Variants in NKAIN2 observed in about 807,000 individuals in gnomAD.
NKAIN2 encodes sodium/potassium transporting ATPase interacting 2, also known as sodium/potassium-transporting ATPase subunit beta-1-interacting protein 2.
In NKAIN2, 14 loss-of-function variants were observed where a neutral mutation model predicts 32.6. That is an observed-to-expected ratio of 0.43 (90% confidence interval 0.28 to 0.67). The LOEUF (loss-of-function observed/expected upper bound fraction) is 0.67. Among genes scored for constraint, NKAIN2 ranks in the 30% least tolerant of loss-of-function variants. NKAIN2 has a pLI of 0.17. For synonymous variants in NKAIN2, 80 were observed against 87.2 expected (o/e 0.92, Z 0.46); for missense variants, 198 against 258.3 (o/e 0.77, Z 1.60).
At chr6:124,392,349 TAA>T (rs1465119837) in intron 3 of NKAIN2, among the ~76,000 whole-genome samples, 11 of 152,180 alleles carry the variant, frequency 7.2e-5, no homozygotes, top group African/African-American at 2.7e-4. Flanking sequence ...TTTGCTGAAT[TAA>T]CAAATAAATG....
At chr6:124,012,528 G>T (rs1418931593) in intron 1 of NKAIN2, among the ~76,000 whole-genome samples, 3 of 151,934 alleles carry the variant, frequency 2.0e-5, no homozygotes, top group African/African-American at 7.3e-5. Flanking sequence ...TAGAGACGGG[G>T]TTTCACCATA....
At chr6:124,071,617 A>G (rs1393991207) in intron 1 of NKAIN2, among the ~76,000 whole-genome samples, 2 of 152,180 alleles carry the variant, frequency 1.3e-5, no homozygotes, top group African/African-American at 4.8e-5. Flanking sequence ...AGGAACTTAA[A>G]CAATTTAACA....
intron 1 of NKAIN2, among the ~76,000 whole-genome samples, chr6:124,033,065 C>T (rs1781472421): frequency 6.6e-6 from 1 of 151,838 alleles, no homozygotes; most frequent in African/African-American, 2.4e-5. Context: ...AAATGCTGAG[C>T]CAGAGGAAAG....
At chr6:124,409,803 G>A (rs1223653241) in intron 3 of NKAIN2, among the ~76,000 whole-genome samples, 2 of 152,096 alleles carry the variant, frequency 1.3e-5, no homozygotes, top group Non-Finnish European at 2.9e-5. Context: ...GTAGAATTCG[G>A]CTGTGAATCC....
At chr6:124,157,987 GTC>G (rs1788072858) in intron 1 of NKAIN2, among the ~76,000 whole-genome samples, 1 of 152,160 alleles carries the variant, frequency 6.6e-6, no homozygotes, top group Non-Finnish European at 1.5e-5. Flanking sequence ...TTGTGCAAAA[GTC>G]TAAATATCAA....
intron 3 of NKAIN2, among the ~76,000 whole-genome samples, chr6:124,495,937 G>A (rs930514304): frequency 3.3e-5 from 5 of 152,270 alleles, no homozygotes; most frequent in African/African-American, 1.2e-4. Flanking sequence ...TTGGCACGAT[G>A]TACATAAACT....
In NKAIN2 at chr6:123,886,845, C is replaced by T. The variant is rs562511310; in HGVS notation, c.54+82591C>T. 3.3e-5 allele frequency among the ~76,000 whole-genome samples: 5 copies of T among 152,080 alleles called. No homozygotes were observed. The South Asian group carries it at 8.3e-4, about 25-fold the overall frequency. On this transcript the variant is annotated intron_variant, in intron 1 of 6. Transcript: ENST00000368417. ...AAGCTGCTTTGAAGTTGTTTAGACG[C>T]GTTTTTGGAGAAAAAAATATTGTTG...
At chr6:123,903,733 G>A (rs1345049527) in intron 1 of NKAIN2, among the ~76,000 whole-genome samples, 3 of 152,072 alleles carry the variant, frequency 2.0e-5, no homozygotes, top group Admixed American at 2.0e-4. Context: ...TGGATATTGG[G>A]AATATGCAAA....
intron 1 of NKAIN2, among the ~76,000 whole-genome samples, chr6:123,815,508 T>G (rs1562196338): frequency 1.3e-5 from 2 of 152,180 alleles, no homozygotes; most frequent in Admixed American, 1.3e-4. Context: ...GAGCAGTAGT[T>G]TTGAATGTTT....
intron 3 of NKAIN2, among the ~76,000 whole-genome samples, chr6:124,443,037 G>A (rs9375331): frequency 0.68 from 102,717 of 151,932 alleles, 37,584 homozygotes; most frequent in South Asian, 0.81. Flanking sequence ...TCAGAAGATT[G>A]TGTAGCCTAT....
chr6:123,932,383 GA>G, intron 1 of NKAIN2, among the ~76,000 whole-genome samples: 1 of 128,346 alleles, frequency 7.8e-6, no homozygotes, highest in Non-Finnish European at 1.5e-5. Flanking sequence ...GTGGAGTAGA[GA>G]AGTTTGGCCT....
At chr6:124,107,251 A>T (rs1050973864) in intron 1 of NKAIN2, among the ~76,000 whole-genome samples, 7 of 152,192 alleles carry the variant, frequency 4.6e-5, no homozygotes, top group Admixed American at 2.0e-4. Context: ...TCATGAAAAG[A>T]TGTTGGCTTT....
chr6:124,519,855 A>G (rs1779055977), intron 3 of NKAIN2, among the ~76,000 whole-genome samples: 1 of 152,248 alleles, frequency 6.6e-6, no homozygotes, highest in African/African-American at 2.4e-5. Flanking sequence ...TACTTAGACC[A>G]TCAAAAGAGA....
At chr6:124,803,090 G>A (rs1469395054) in intron 5 of NKAIN2, among the ~76,000 whole-genome samples, 1 of 152,090 alleles carries the variant, frequency 6.6e-6, no homozygotes, top group African/African-American at 2.4e-5. Context: ...GTTGTCTCCT[G>A]CTCAACCATG....
intron 3 of NKAIN2, among the ~76,000 whole-genome samples, chr6:124,408,866 A>G (rs1320057524): frequency 2.6e-5 from 4 of 152,060 alleles, no homozygotes; most frequent in South Asian, 2.1e-4. Context: ...ATCCTCTTCT[A>G]TTTCATTGAG....
chr6:124,242,908 G>A (rs539675300), intron 1 of NKAIN2, among the ~76,000 whole-genome samples: 9 of 152,006 alleles, frequency 5.9e-5, no homozygotes, highest in East Asian at 3.9e-4. Context: ...GGCTAGGGGA[G>A]GGATAGCATT....
chr6:123,920,760 C>A (rs1775714646), intron 1 of NKAIN2, among the ~76,000 whole-genome samples: 1 of 152,154 alleles, frequency 6.6e-6, no homozygotes, highest in Admixed American at 6.5e-5. Context: ...TGGCCCTCTG[C>A]ATCTATCAAG....
chr6:123,912,072 A>G (rs1156249470), intron 1 of NKAIN2, among the ~76,000 whole-genome samples: 2 of 151,670 alleles, frequency 1.3e-5, no homozygotes, highest in Non-Finnish European at 1.5e-5. Flanking sequence ...CCTGAAATAC[A>G]GAGAGGTAGA....
chr6:124,717,184 T>C (rs1775795000), intron 4 of NKAIN2, among the ~76,000 whole-genome samples: 1 of 152,216 alleles, frequency 6.6e-6, no homozygotes, highest in South Asian at 2.1e-4. Flanking sequence ...TTTAAAAAAT[T>C]GGAGTTCTTA....
Sources: allele counts gnomAD v4.1 joint callset (sites outside exome capture counted in the v4.1 genomes callset), GRCh38; gene constraint gnomAD v4.1.1; transcripts MANE v1.5; gene names NCBI Gene and HGNC (gene_info 2026-07-23, HGNC 2026-07-21).